Variants in SRGAP3 observed in about 807,000 individuals in gnomAD.
SRGAP3 encodes SLIT-ROBO Rho GTPase-activating protein 3.
In SRGAP3, 39 loss-of-function variants were observed where a neutral mutation model predicts 121.1. The ratio of observed to expected loss-of-function variants is 0.32; its 90% confidence interval spans 0.25 to 0.42. The LOEUF is 0.42. Among genes scored for constraint, SRGAP3 ranks in the 10% least tolerant of loss-of-function variants. The pLI, the probability that SRGAP3 is intolerant of heterozygous loss-of-function variation, is 1.00. For synonymous variants in SRGAP3, 601 were observed against 570.0 expected, an observed-to-expected ratio of 1.05 and a Z score of -0.77; for missense variants, 1,213 against 1,470.6, an observed-to-expected ratio of 0.82 and a Z score of 2.86.
chr3:9,360,251 C>T lies in SRGAP3; in HGVS notation n.214+2589G>A, dbSNP rs375250802. 9.8e-4 allele frequency among the ~76,000 whole-genome samples: 150 copies of T among 152,298 alleles called. 2 individuals are homozygous for T. In the East Asian group the frequency reaches 0.015, roughly 15 times the overall value. On this transcript the variant is annotated intron_variant and non_coding_transcript_variant, in intron 1 of 3. Coordinates refer to the SRGAP3 transcript ENST00000490889. Reference sequence around the variant, plus strand: ...GTTTGTGTACAAGTTTTTGTTTGAACACTTGTTTTCAGTCTTCTTGGGTAT... The same window carrying T: ...GTTTGTGTACAAGTTTTTGTTTGAATACTTGTTTTCAGTCTTCTTGGGTAT...
intron 2 of SRGAP3, among the ~76,000 whole-genome samples, chr3:9,116,879 A>G (rs907188362): frequency 6.6e-6 from 1 of 152,230 alleles, no homozygotes; most frequent in African/African-American, 2.4e-5. Flanking sequence ...AAAGATAAAG[A>G]CAGCCCCTTC....
intron 17 of SRGAP3, 71 bp from the exon 18 acceptor site, chr3:9,010,458 T>G (rs1204428871): frequency 6.3e-7 from 1 of 1,584,084 alleles, no homozygotes; most frequent in African/African-American, 1.3e-5. Context: ...CAGCCTCTCA[T>G]GCCAGTCCAG....
intron 3 of SRGAP3, among the ~76,000 whole-genome samples, chr3:9,082,004 C>T (rs973249037): frequency 1.3e-5 from 2 of 152,134 alleles, no homozygotes; most frequent in African/African-American, 4.8e-5. Context: ...CTGTTCCTGC[C>T]AAATCTCATG....
At chr3:9,123,732 A>ATGTGTGTGTGTGTG (rs532602901) in intron 2 of SRGAP3, among the ~76,000 whole-genome samples, 2,344 of 138,980 alleles carry the variant, frequency 0.017, 29 homozygotes, top group African/African-American at 0.032. Flanking sequence ...ATATGTATAT[A>ATGTGTGTGTGTGTG]TGTGTGTGTG....
intron 1 of SRGAP3, chr3:9,348,337 T>G: frequency 5.2e-6 from 2 of 385,050 alleles, no homozygotes; most frequent in Non-Finnish European, 9.7e-6. Context: ...AAAAGAAGAG[T>G]GGAAAGAAAA....
At chr3:9,009,811 A>T (rs955960345) in intron 18 of SRGAP3, among the ~76,000 whole-genome samples, 1 of 152,154 alleles carries the variant, frequency 6.6e-6, no homozygotes, top group Non-Finnish European at 1.5e-5. Context: ...TGCACCAGAC[A>T]CACCTGTAAT....
chr3:9,075,284 G>A lies in SRGAP3; in HGVS notation c.486+4741C>T, dbSNP rs117240441. ...TGGAGTGGGATATATGTGTGCGCAC[G>A]CTTGCATATATGTGTATGTACATAC... On this transcript the variant is annotated intron_variant, in intron 4 of 21. Transcript: ENST00000383836. 2.7e-4 allele frequency among the ~76,000 whole-genome samples: 41 copies of A among 152,284 alleles called. No homozygotes were observed. The East Asian group carries it at 7.3e-3, about 27-fold the overall frequency.
At chr3:9,207,919 T>C (rs564065232) in intron 1 of SRGAP3, among the ~76,000 whole-genome samples, 1 of 152,222 alleles carries the variant, frequency 6.6e-6, no homozygotes, top group South Asian at 2.1e-4. Flanking sequence ...GTTGCTCTTA[T>C]GGAACATAAT....
chr3:8,989,875 G>A (rs1941936484), intron 21 of SRGAP3, among the ~76,000 whole-genome samples: 1 of 152,150 alleles, frequency 6.6e-6, no homozygotes, highest in Admixed American at 6.5e-5. Context: ...CCCACCCTTT[G>A]GGTCTCAGGT....
chr3:9,254,745 G>A (rs1335020527), intron 3 of SRGAP3, among the ~76,000 whole-genome samples: 1 of 151,218 alleles, frequency 6.6e-6, no homozygotes, highest in South Asian at 2.1e-4. Context: ...GCAGTGAGCT[G>A]TGACTGCAAT....
At chr3:9,142,442 A>G (rs898498806) in intron 1 of SRGAP3, among the ~76,000 whole-genome samples, 11 of 152,220 alleles carry the variant, frequency 7.2e-5, no homozygotes, top group African/African-American at 2.7e-4. Flanking sequence ...GAATCCAATC[A>G]TTCACACTTC....
chr3:9,023,626 A>G (rs1330021824), intron 14 of SRGAP3, among the ~76,000 whole-genome samples: 2 of 152,114 alleles, frequency 1.3e-5, no homozygotes, highest in Non-Finnish European at 2.9e-5. Context: ...CTGGCTGTTG[A>G]CTAAACTGGC....
chr3:9,350,757 A>G (rs769628516), intron 1 of SRGAP3, among the ~76,000 whole-genome samples: 1 of 152,188 alleles, frequency 6.6e-6, no homozygotes, highest in Non-Finnish European at 1.5e-5. Flanking sequence ...TACTCTGGTG[A>G]AAGGGAAAAA....
At chr3:9,269,034 T>C (rs965481317) in intron 3 of SRGAP3, among the ~76,000 whole-genome samples, 1 of 152,166 alleles carries the variant, frequency 6.6e-6, no homozygotes, top group Admixed American at 6.5e-5. Context: ...TGATTAGGAT[T>C]GGAATCTCAG....
At chr3:9,259,351 C>A (rs758378884) in intron 3 of SRGAP3, among the ~76,000 whole-genome samples, 25 of 152,130 alleles carry the variant, frequency 1.6e-4, no homozygotes, top group Non-Finnish European at 2.6e-4. Flanking sequence ...TGATCACAGA[C>A]TTCTGCAGCC....
At chr3:9,028,834 A>C (rs1944338957) in intron 12 of SRGAP3, among the ~76,000 whole-genome samples, 1 of 152,178 alleles carries the variant, frequency 6.6e-6, no homozygotes, top group Non-Finnish European at 1.5e-5. Context: ...AAGCTGAGGA[A>C]GGCCTGGAGG....
intron 1 of SRGAP3, among the ~76,000 whole-genome samples, chr3:9,169,986 A>G (rs1950918662): frequency 1.3e-5 from 2 of 152,192 alleles, no homozygotes; most frequent in Admixed American, 1.3e-4. Flanking sequence ...GGGAGACAGT[A>G]CACCTAACTG....
rs761562214 is a variant in SRGAP3 at position 9,173,237 on chromosome 3, G to A, written c.68-48320C>T. Among the ~76,000 whole-genome samples the A allele has an allele frequency of 5.1e-4, 77 of 152,332 alleles. 2 individuals are homozygous for A. Among genetic ancestry groups the A allele is most frequent in the Middle Eastern group, 3.4e-3 (1 of 294 alleles). On this transcript the variant is annotated intron_variant, in intron 1 of 21. Coordinates refer to ENST00000383836, the MANE Select transcript of SRGAP3 (RefSeq NM_014850.4). ...CAGCACTGCACACAGATGTTTGCAA[G>A]TGCTTTGTGCACCACCCACATAAGC...
At chr3:9,224,253 G>A (rs1470547259) in intron 1 of SRGAP3, among the ~76,000 whole-genome samples, 3 of 152,226 alleles carry the variant, frequency 2.0e-5, no homozygotes, top group Admixed American at 1.3e-4. Flanking sequence ...AGCCCCCAGG[G>A]AAGGCTGAGC....
Sources: allele counts gnomAD v4.1 joint callset (sites outside exome capture counted in the v4.1 genomes callset), GRCh38; gene constraint gnomAD v4.1.1; transcripts MANE v1.5; gene names NCBI Gene and HGNC (gene_info 2026-07-23, HGNC 2026-07-21).